The following MSTO1 variants were observed in gnomAD, a reference collection of about 807,000 sequenced individuals.
The protein encoded by MSTO1 is protein misato homolog 1.
MSTO1 carries 24 observed loss-of-function variants against 55.7 expected under a neutral mutation model. That is an observed-to-expected ratio of 0.43 (90% confidence interval 0.31 to 0.61). MSTO1 has a LOEUF of 0.61. MSTO1 is among the 20% of genes least tolerant of loss of function. The pLI is 0.09. For missense variants in MSTO1, 363 were observed against 625.7 expected, an observed-to-expected ratio of 0.58 and a Z score of 4.48; for synonymous variants, 162 against 252.8, an observed-to-expected ratio of 0.64 and a Z score of 3.41.
the MSTO1 span, among the ~76,000 whole-genome samples, chr1:155,591,456 C>A: frequency 6.6e-6 from 1 of 152,186 alleles, no homozygotes; most frequent in African/African-American, 2.4e-5. Flanking sequence ...CAACAGTCTA[C>A]TTAAGTGATA....
At chr1:155,574,095 G>A in the MSTO1 span, among the ~76,000 whole-genome samples, 2 of 151,868 alleles carry the variant, frequency 1.3e-5, no homozygotes, top group African/African-American at 2.4e-5. Context: ...AGTGGCTCAC[G>A]CCTGTAATCC....
Position 155,614,670 on chromosome 1 carries a change from G to A in MSTO1, c.*397G>A, listed in dbSNP as rs1484254874. The A allele has an allele frequency of 8.2e-5, 125 of 1,529,328 alleles. No homozygotes were observed. Among genetic ancestry groups the A allele is most frequent in the South Asian group, 2.4e-4 (21 of 88,846 alleles). The allele number at this position is 1,529,328 out of a possible 1,614,324, so 94.7% of individuals were successfully genotyped here. On this transcript the variant is annotated 3_prime_UTR_variant, in exon 14 of 14. Transcript: ENST00000245564. ...GCAGAGTACAACTACCCGCCTCCCC[G>A]GTGCCAGGGCGCCTGTTGGGTTTGG...
chr1:155,588,493 T>C, the MSTO1 span, among the ~76,000 whole-genome samples: 1 of 152,174 alleles, frequency 6.6e-6, no homozygotes. Flanking sequence ...GATAATATCC[T>C]TGTTTCACAG....
the MSTO1 span, among the ~76,000 whole-genome samples, chr1:155,588,179 A>G: frequency 6.7e-6 from 1 of 148,634 alleles, no homozygotes; most frequent in Non-Finnish European, 1.5e-5. Context: ...ACTGCACTCC[A>G]GCCTGGCAAC....
At chr1:155,568,326 C>G in the MSTO1 span, among the ~76,000 whole-genome samples, 3 of 151,958 alleles carry the variant, frequency 2.0e-5, no homozygotes, top group African/African-American at 7.2e-5. Context: ...GATCCACCCA[C>G]TTCAGCTTCC....
Position 155,614,617 on chromosome 1 carries a change from C to G in MSTO1, c.*344C>G, listed in dbSNP as rs2149000592. On this transcript the variant is annotated 3_prime_UTR_variant, in exon 14 of 14. Coordinates refer to ENST00000245564, the MANE Select transcript of MSTO1 (RefSeq NM_018116.4). ...TGTCCTGGCCTCCTGCTCTCCAGAT[C>G]TGTAAACTGGGCTCAAGGACTGTAC... 1.2e-6 allele frequency: 1 copy of G among 812,894 alleles called. No homozygotes were observed. The highest frequency in any genetic ancestry group is 2.1e-6 in the Non-Finnish European group (1 of 473,138). 50.4% of individuals were successfully genotyped at this position (812,894 alleles called of 1,614,324 possible). A position where few individuals can be genotyped will look rare whatever the true frequency, so the allele number is the denominator to read the frequency against.
chr1:155,610,021 T>TGGCCCGTGGAGCCCCGCCCC, upstream of MSTO1: 7 of 561,158 alleles, frequency 1.2e-5, no homozygotes, highest in South Asian at 1.5e-4. Context: ...AGCAACGGCG[T>TGGCCCGTGGAGCCCCGCCCC]GGCCCGTGGA....
the MSTO1 span, chr1:155,563,391 TC>T: frequency 2.2e-6 from 1 of 456,610 alleles, no homozygotes; most frequent in South Asian, 1.5e-5. Context: ...ACTCCGGACC[TC>T]CAGGAGGTAG....
chr1:155,601,634 A>T, the MSTO1 span, among the ~76,000 whole-genome samples: 1 of 152,148 alleles, frequency 6.6e-6, no homozygotes, highest in Non-Finnish European at 1.5e-5. Flanking sequence ...TCAAAAAATA[A>T]AAAAAAGAAA....
At chr1:155,568,403 A>G in the MSTO1 span, among the ~76,000 whole-genome samples, 1 of 150,708 alleles carries the variant, frequency 6.6e-6, no homozygotes, top group Non-Finnish European at 1.5e-5. Context: ...TTAAGACGGA[A>G]GAAATTTGAG....
At chr1:155,575,165 C>CCCCCCA in the MSTO1 span, among the ~76,000 whole-genome samples, 1 of 151,578 alleles carries the variant, frequency 6.6e-6, no homozygotes, top group Non-Finnish European at 1.5e-5. Context: ...CCATGCCAGG[C>CCCCCCA]TAATACTTGT....
the MSTO1 span, among the ~76,000 whole-genome samples, chr1:155,576,735 T>C: frequency 1.3e-5 from 2 of 151,386 alleles, no homozygotes; most frequent in East Asian, 4.0e-4. Flanking sequence ...AATTAGAGGC[T>C]GAGCGCAGTG....
At chr1:155,584,417 T>C in the MSTO1 span, among the ~76,000 whole-genome samples, 1 of 151,790 alleles carries the variant, frequency 6.6e-6, no homozygotes, top group Non-Finnish European at 1.5e-5. Flanking sequence ...CTTGTAATCC[T>C]GGCATTTGGG....
chr1:155,593,043 C>T, the MSTO1 span, among the ~76,000 whole-genome samples: 2 of 152,280 alleles, frequency 1.3e-5, no homozygotes, highest in East Asian at 3.9e-4. Context: ...TCCCCAATAG[C>T]TGGGATTATA....
the MSTO1 span, among the ~76,000 whole-genome samples, chr1:155,580,855 G>C: frequency 6.8e-5 from 10 of 147,344 alleles, no homozygotes; most frequent in Non-Finnish European, 3.0e-5. Context: ...GTTGCAGTGA[G>C]CCAAGATTGT....
chr1:155,584,784 A>C, the MSTO1 span, among the ~76,000 whole-genome samples: 13 of 151,332 alleles, frequency 8.6e-5, no homozygotes, highest in East Asian at 2.4e-3. Context: ...TGTATCACCC[A>C]GGCTGGAGTG....
In MSTO1 at chr1:155,610,535, G is replaced by A; in HGVS notation, c.195G>A (p.Pro65=). 2.0e-6 allele frequency: 2 copies of A among 985,316 alleles called. No individual in the cohort carries two copies. The highest frequency in any genetic ancestry group is 2.9e-6 in the Non-Finnish European group (2 of 682,258). 61.0% of individuals were successfully genotyped at this position (985,316 alleles called of 1,614,324 possible). Residue 65 remains proline (P), a synonymous_variant, in exon 2 of 14, where the codon CCG becomes CCA. Transcript: ENST00000245564. The part of the protein sequence containing the change: ...RTLHGQETYT[P]RLILMDLKGS... Reference sequence around the variant, plus strand: ...TGCACGGCCAGGAGACCTACACGCCGCGACTCATCCTCATGGATCTGAAGG... The same window carrying A: ...TGCACGGCCAGGAGACCTACACGCCACGACTCATCCTCATGGATCTGAAGG...
the MSTO1 span, among the ~76,000 whole-genome samples, chr1:155,595,179 T>G: frequency 2.1e-4 from 29 of 140,384 alleles, no homozygotes; most frequent in Non-Finnish European, 3.9e-4. Flanking sequence ...GTTTGTTGTT[T>G]TTTTTTTTTT....
At chr1:155,595,491 CTT>C in the MSTO1 span, among the ~76,000 whole-genome samples, 25 of 119,588 alleles carry the variant, frequency 2.1e-4, no homozygotes, top group Admixed American at 3.4e-4. Flanking sequence ...ATTTCTTTTT[CTT>C]TTTTTTTTTT....
Sources: allele counts gnomAD v4.1 joint callset (sites outside exome capture counted in the v4.1 genomes callset), GRCh38; gene constraint gnomAD v4.1.1; transcripts MANE v1.5; gene names NCBI Gene and HGNC (gene_info 2026-07-23, HGNC 2026-07-21).